MTM1: variants seen among roughly 807,000 people sequenced by gnomAD.
MTM1 encodes the protein myotubularin 1, also known as myotubularin.
MTM1 carries 9 observed loss-of-function variants against 52.1 expected under a neutral mutation model. The ratio of observed to expected loss-of-function variants is 0.17; its 90% CI spans 0.10 to 0.30. The LOEUF (loss-of-function observed/expected upper bound fraction) is 0.30, where lower values mean the gene tolerates loss of function less well. MTM1 is among the 10% of genes least tolerant of loss of function. MTM1 has a pLI of 1.00. For synonymous variants in MTM1, 136 were observed against 163.8 expected (o/e 0.83, Z 1.29); for missense variants, 277 against 470.7 (o/e 0.59, Z 3.81).
chrX:150,645,449 G>A (rs1436229640), intron 8 of MTM1, among the ~76,000 whole-genome samples: 3 of 112,145 alleles, frequency 2.7e-5, no homozygotes, highest in African/African-American at 9.7e-5. Flanking sequence ...AATTTATATT[G>A]GATGTGGTGC....
chrX:150,641,465 A>G, intron 8 of MTM1, 47 bp downstream of exon 8: 1 of 1,177,189 alleles, frequency 8.5e-7, no homozygotes, highest in Non-Finnish European at 1.2e-6. Context: ...CTTTTAGTCC[A>G]TAAGAATGGT....
chrX:150,601,036 G>A (rs1557412734), intron 4 of MTM1, among the ~76,000 whole-genome samples: 2 of 112,151 alleles, frequency 1.8e-5, no homozygotes, highest in Non-Finnish European at 3.8e-5. Context: ...AAGGGATTAT[G>A]CATGTCTTGT....
intron 4 of MTM1, among the ~76,000 whole-genome samples, chrX:150,609,743 G>A (rs1025504281): frequency 9.0e-6 from 1 of 111,595 alleles, no homozygotes; most frequent in Non-Finnish European, 1.9e-5. Flanking sequence ...CCAGTGGCTA[G>A]TCTCTTTTGC....
rs782406992 is a variant in MTM1, at chrX:150,663,402, C to A, written c.1468-31C>A. 2.5e-6 allele frequency: 3 copies of A among 1,204,379 alleles called. No homozygotes were observed. In the African/African-American group the frequency reaches 5.2e-5, roughly 21 times the overall value. On this transcript the variant is annotated intron_variant, in intron 13 of 14. Coordinates refer to ENST00000370396, the MANE Select transcript of MTM1 (RefSeq NM_000252.3). ...GGATTTATGTGTGTTTTTACTTAGG[C>A]TCTCCACTTTCTCTCTCTGTCTCTC... is the stretch of plus-strand genomic sequence containing the variant.
intron 14 of MTM1, among the ~76,000 whole-genome samples, chrX:150,668,825 G>A (rs1557415057): frequency 8.9e-6 from 1 of 112,065 alleles, no homozygotes; most frequent in African/African-American, 3.2e-5. Flanking sequence ...GTTCAACACA[G>A]TAGAAAGCAG....
intron 4 of MTM1, among the ~76,000 whole-genome samples, chrX:150,605,994 A>AT (rs1237452903): frequency 9.9e-6 from 1 of 101,502 alleles, no homozygotes; most frequent in Admixed American, 1.1e-4. Context: ...TTCCTGTAGT[A>AT]TTTTTTCCTT....
chrX:150,582,454 C>A (rs1557411919), intron 1 of MTM1, among the ~76,000 whole-genome samples: 1 of 111,394 alleles, frequency 9.0e-6, no homozygotes, highest in South Asian at 3.7e-4. Flanking sequence ...TGAATTGTGT[C>A]CCCTAAAAAG....
chrX:150,671,123 G>A (rs1172046747), intron 14 of MTM1, among the ~76,000 whole-genome samples: 3 of 111,308 alleles, frequency 2.7e-5, no homozygotes, highest in Middle Eastern at 4.2e-3. Context: ...GGTCTGGGAC[G>A]GGCAACACGG....
At chrX:150,583,793 A>T (rs868988771) in intron 1 of MTM1, among the ~76,000 whole-genome samples, 2 of 50,923 alleles carry the variant, frequency 3.9e-5, no homozygotes, top group Admixed American at 4.4e-4. Context: ...AAATATATAT[A>T]AAATATATAT....
At chrX:150,568,329 A>G (rs1415598305), upstream of MTM1, among the ~76,000 whole-genome samples, 4 of 113,248 alleles carry the variant, frequency 3.5e-5, no homozygotes, top group Non-Finnish European at 7.5e-5. Context: ...CCTTACAGGG[A>G]TGGCCCCTGG....
chrX:150,611,658 G>C (rs1187116063), intron 4 of MTM1, among the ~76,000 whole-genome samples: 1 of 111,184 alleles, frequency 9.0e-6, no homozygotes, highest in Non-Finnish European at 1.9e-5. Flanking sequence ...TATTTTTCCC[G>C]CACTCACTTT....
At chrX:150,571,535 T>A (rs929171708) in intron 1 of MTM1, among the ~76,000 whole-genome samples, 3 of 112,672 alleles carry the variant, frequency 2.7e-5, no homozygotes, top group South Asian at 3.6e-4. Context: ...GCTAAGTGCT[T>A]AGAAAAGTGT....
intron 13 of MTM1, among the ~76,000 whole-genome samples, chrX:150,661,629 A>G (rs1259673039): frequency 1.3e-4 from 14 of 111,938 alleles, no homozygotes; most frequent in African/African-American, 4.2e-4. Context: ...ACCATTTGCA[A>G]CAACATAAGT....
chrX:150,635,650 C>T (rs1209719064), intron 6 of MTM1, among the ~76,000 whole-genome samples: 1 of 111,260 alleles, frequency 9.0e-6, no homozygotes, highest in Non-Finnish European at 1.9e-5. Context: ...TTGTAATAAT[C>T]CAACTTTATG....
At chrX:150,583,400 TTA>T (rs1293528150) in intron 1 of MTM1, among the ~76,000 whole-genome samples, 4 of 35,357 alleles carry the variant, frequency 1.1e-4, no homozygotes, top group Non-Finnish European at 1.3e-4. Context: ...TATATATAAA[TTA>T]TATATATTAT....
At chrX:150,599,569 ATT>A (rs1386921285) in intron 4 of MTM1, among the ~76,000 whole-genome samples, 4 of 112,231 alleles carry the variant, frequency 3.6e-5, no homozygotes, top group African/African-American at 1.3e-4. Context: ...TTACCCCACC[ATT>A]TTTTAGGACA....
intron 1 of MTM1, among the ~76,000 whole-genome samples, chrX:150,589,017 C>G (rs1190138932): frequency 8.9e-6 from 1 of 111,952 alleles, no homozygotes; most frequent in African/African-American, 3.2e-5. Context: ...GGCACTGTTA[C>G]AGGTGCTGTA....
At chrX:150,665,386 C>G (rs1482401669) in intron 14 of MTM1, among the ~76,000 whole-genome samples, 1 of 112,294 alleles carries the variant, frequency 8.9e-6, no homozygotes, top group African/African-American at 3.2e-5. Context: ...TTATAATGCA[C>G]AGGGATAAGT....
chrX:150,610,409 C>CAGAG (rs1227303676), intron 4 of MTM1, among the ~76,000 whole-genome samples: 1 of 103,730 alleles, frequency 9.6e-6, no homozygotes, highest in Non-Finnish European at 2.0e-5. Flanking sequence ...CAGACAGAGA[C>CAGAG]AGAGAGAGAG....
Sources: allele counts gnomAD v4.1 joint callset (sites outside exome capture counted in the v4.1 genomes callset), GRCh38; gene constraint gnomAD v4.1.1; transcripts MANE v1.5; gene names NCBI Gene and HGNC (gene_info 2026-07-23, HGNC 2026-07-21).